ESRRG: variants seen among roughly 807,000 people sequenced by gnomAD.
The protein encoded by ESRRG is estrogen-related receptor gamma.
In ESRRG, 13 loss-of-function variants were observed where a neutral mutation model predicts 44.0. That is an observed-to-expected ratio of 0.30 (90% CI 0.19 to 0.47). ESRRG has a LOEUF of 0.47. Among genes scored for constraint, ESRRG ranks in the 20% least tolerant of loss-of-function variants. The pLI is 1.00. For missense variants in ESRRG, 395 were observed against 580.6 expected (o/e 0.68, Z 3.29); for synonymous variants, 215 against 214.6 (o/e 1.00, Z -0.02).
At chr1:216,725,822 C>T (rs759614759), upstream of ESRRG, among the ~76,000 whole-genome samples, 9 of 152,106 alleles carry the variant, frequency 5.9e-5, no homozygotes, top group Non-Finnish European at 8.8e-5. Flanking sequence ...GATTTTGCAC[C>T]GGTGCAGAAT....
chr1:216,846,395 C>G (rs937748672), intron 2 of ESRRG, among the ~76,000 whole-genome samples: 5 of 152,060 alleles, frequency 3.3e-5, no homozygotes, highest in African/African-American at 1.2e-4. Context: ...AGTTGGCAAA[C>G]TTTTCTGTAG....
intron 3 of ESRRG, among the ~76,000 whole-genome samples, chr1:216,599,497 G>A (rs2058902136): frequency 6.6e-6 from 1 of 152,038 alleles, no homozygotes; most frequent in Admixed American, 6.6e-5. Flanking sequence ...TTTTACCCAA[G>A]TGCTACAGTT....
At chr1:216,599,843 G>C (rs1187118935) in intron 3 of ESRRG, among the ~76,000 whole-genome samples, 1 of 151,532 alleles carries the variant, frequency 6.6e-6, no homozygotes, top group Non-Finnish European at 1.5e-5. Context: ...AAAAGAAAGA[G>C]AAGAAAAAGG....
At chr1:216,710,798 C>T (rs191821790) in intron 1 of ESRRG, among the ~76,000 whole-genome samples, 29 of 152,196 alleles carry the variant, frequency 1.9e-4, no homozygotes, top group African/African-American at 6.3e-4. Flanking sequence ...GCACTGCATG[C>T]GCCTAATAGC....
intron 1 of ESRRG, among the ~76,000 whole-genome samples, chr1:216,720,625 A>G (rs2086042795): frequency 6.6e-6 from 1 of 152,028 alleles, no homozygotes; most frequent in African/African-American, 2.4e-5. Context: ...ATCACCTATA[A>G]TTTGACATTA....
chr1:216,723,255 G>A lies in ESRRG; in HGVS notation c.45C>T (p.His15=). Residue 15 remains histidine (H), a synonymous_variant, in exon 1 of 7, where the codon CAC becomes CAT. Transcript: ENST00000408911. ...ELCLPESFSL[H]YEEELLCRMS... is the part of the protein sequence containing the mutation. Reference sequence around the variant, plus strand: ...AAAAAGGTACCTACTCTTCCTCGTAGTGCAGGGAAAAAGATTCAGGAAGGC... The same window carrying A: ...AAAAAGGTACCTACTCTTCCTCGTAATGCAGGGAAAAAGATTCAGGAAGGC... 6.2e-7 allele frequency: 1 copy of A among 1,613,440 alleles called. No homozygotes were observed. Among genetic ancestry groups the A allele is most frequent in the Non-Finnish European group, 8.5e-7 (1 of 1,179,850 alleles).
chr1:216,843,474 G>A (rs1028381186), intron 2 of ESRRG, among the ~76,000 whole-genome samples: 6 of 152,106 alleles, frequency 3.9e-5, no homozygotes, highest in African/African-American at 1.4e-4. Flanking sequence ...TGCAAGCTAA[G>A]ATTGATGAAA....
Position 216,677,605 on chromosome 1 carries a change from G to C in ESRRG, c.57-114C>G, listed in dbSNP as rs565120357. The C allele has an allele frequency of 3.1e-5, 28 of 894,812 alleles. No individual in the cohort carries two copies. The African/African-American group carries it at 4.4e-4, about 14-fold the overall frequency. The allele number at this position is 894,812 out of a possible 1,614,324, so 55.4% of individuals were successfully genotyped here. ...AAAAATAGAGAAAGGGAAAGGGAAA[G>C]GTAAAAGGAGGAAAAAAACAGAATT... On this transcript the variant is annotated intron_variant, in intron 1 of 6. Coordinates refer to ENST00000408911, the MANE Select transcript of ESRRG (RefSeq NM_001438.4).
At chr1:216,582,644 T>C (rs762829291) in intron 3 of ESRRG, among the ~76,000 whole-genome samples, 1 of 152,196 alleles carries the variant, frequency 6.6e-6, no homozygotes, top group Non-Finnish European at 1.5e-5. Context: ...TTTCACCATG[T>C]TGGCCAGGCT....
intron 3 of ESRRG, among the ~76,000 whole-genome samples, chr1:216,644,596 T>C (rs1334262128): frequency 6.6e-6 from 1 of 151,888 alleles, no homozygotes; most frequent in Non-Finnish European, 1.5e-5. Flanking sequence ...ACCTTGTTAA[T>C]TTTTTACTTT....
chr1:216,685,749 C>T (rs1231477711), intron 1 of ESRRG, among the ~76,000 whole-genome samples: 2 of 152,178 alleles, frequency 1.3e-5, no homozygotes, highest in African/African-American at 2.4e-5. Flanking sequence ...AATGCAAATG[C>T]TATCACAAGT....
chr1:217,072,009 A>T (rs537470053), intron 1 of ESRRG, among the ~76,000 whole-genome samples: 37 of 152,376 alleles, frequency 2.4e-4, no homozygotes, highest in African/African-American at 7.9e-4. Context: ...CCAGTAATAA[A>T]GTACTGGAGC....
chr1:216,703,705 C>G, intron 1 of ESRRG, among the ~76,000 whole-genome samples: 1 of 145,602 alleles, frequency 6.9e-6, no homozygotes, highest in South Asian at 2.2e-4. Context: ...GTGTATGTTT[C>G]TGTGTGTTTG....
intron 2 of ESRRG, among the ~76,000 whole-genome samples, chr1:216,822,999 A>C (rs1020993095): frequency 1.3e-5 from 2 of 152,086 alleles, no homozygotes; most frequent in African/African-American, 4.8e-5. Flanking sequence ...AGATGAGTTT[A>C]CCCAATTAGA....
At chr1:216,830,621 G>A (rs2095472950) in intron 2 of ESRRG, among the ~76,000 whole-genome samples, 1 of 152,050 alleles carries the variant, frequency 6.6e-6, no homozygotes, top group Admixed American at 6.5e-5. Context: ...GCAGGATCTT[G>A]GCTCCAAGCC....
chr1:216,972,048 T>C (rs2071791237), intron 1 of ESRRG, among the ~76,000 whole-genome samples: 1 of 152,196 alleles, frequency 6.6e-6, no homozygotes, highest in Non-Finnish European at 1.5e-5. Flanking sequence ...ATGAACAAAA[T>C]TGGTAGAGTT....
intron 3 of ESRRG, among the ~76,000 whole-genome samples, chr1:216,603,936 A>C (rs1273292782): frequency 1.1e-4 from 5 of 45,790 alleles, no homozygotes; most frequent in African/African-American, 2.2e-4. Flanking sequence ...ATCAAAAAAA[A>C]CAAAAAAACA....
chr1:217,090,102 G>A (rs533450047), upstream of ESRRG, among the ~76,000 whole-genome samples: 13 of 152,206 alleles, frequency 8.5e-5, no homozygotes, highest in South Asian at 2.1e-3. Context: ...GACGCCTCTG[G>A]GTGTGTATAT....
chr1:217,054,273 T>G lies in ESRRG; in HGVS notation c.-106+35234A>C, dbSNP rs1195844671. 7.9e-5 allele frequency among the ~76,000 whole-genome samples: 12 copies of G among 152,330 alleles called. No homozygotes were observed. The East Asian group carries it at 1.5e-3, about 20-fold the overall frequency. The stretch of plus-strand genomic sequence containing the variant: ...TGATCCAATAGGCTATTGATCATAC[T>G]TTCTTCTAAAGGTCATACTGGGGGG... On this transcript the variant is annotated intron_variant, in intron 1 of 7. Transcript: ENST00000359162.
Sources: allele counts gnomAD v4.1 joint callset (sites outside exome capture counted in the v4.1 genomes callset), GRCh38; gene constraint gnomAD v4.1.1; transcripts MANE v1.5; gene names NCBI Gene and HGNC (gene_info 2026-07-23, HGNC 2026-07-21).